The following CD101 variants were observed in gnomAD, a reference collection of about 807,000 sequenced individuals.
CD101 encodes the protein immunoglobulin superfamily member 2.
A neutral mutation model predicts 98.2 loss-of-function variants in CD101; 76 were observed. The ratio of observed to expected loss-of-function variants is 0.77; its 90% CI spans 0.64 to 0.94. The LOEUF is 0.94. Ranked by LOEUF, CD101 falls within the 40% of genes least tolerant of loss-of-function variation. CD101 has a pLI of 0.00. For synonymous variants in CD101, 471 were observed against 472.7 expected (o/e 1.00, Z 0.05); for missense variants, 1,145 against 1,218.8 (o/e 0.94, Z 0.90).
chr1:117,018,493 A>G lies in CD101; in HGVS notation c.1950A>G (p.Leu650=). 1 of 1,613,988 alleles carries G rather than the reference A, an allele frequency of 6.2e-7. No individual in the cohort carries two copies. The highest frequency in any genetic ancestry group is 8.5e-7 in the Non-Finnish European group (1 of 1,179,834). The change falls in exon 6 of 10, where the codon CTA becomes CTG. Residue 650 remains leucine (L), a synonymous_variant. Transcript: ENST00000682167. The surrounding 1 kb of genome is among the most constrained non-coding windows in gnomAD (Gnocchi z 4.3). ...CEVEVYDRNS[L]YNNRPPRASA... ...TAGAAGTTTATGACAGAAATTCCCTATACAACAACCGCCCCCCGAGGGCTT... is the reference window on the plus strand; with the variant it reads ...TAGAAGTTTATGACAGAAATTCCCTGTACAACAACCGCCCCCCGAGGGCTT...
rs1488414807 is a variant in CD101 at position 117,011,693 on chromosome 1, G to A, written c.568G>A (p.Gly190Arg). The A allele has an allele frequency of 6.2e-7, 1 of 1,614,176 alleles. No homozygotes were observed. The highest frequency in any genetic ancestry group is 2.2e-5 in the East Asian group (1 of 44,884). ...TGTCACCTGGTACCTAACACAGGATGGAGGAGGAAGCCAAGCCACTGAGAT... is the reference window on the plus strand; with the variant it reads ...TGTCACCTGGTACCTAACACAGGATAGAGGAGGAAGCCAAGCCACTGAGAT... ...LSVTWYLTQD[G>R]GGSQATEIIS... Residue 190 changes from glycine to arginine, a missense_variant, in exon 3 of 10, where the codon GGA (glycine) becomes AGA (arginine). Gly to Arg is a moderately radical substitution (Grantham distance 125). Transcript: ENST00000682167.
At chr1:117,026,756 A>G (rs574045355) in intron 8 of CD101, 1 of 152,360 alleles carries the variant, frequency 6.6e-6, no homozygotes, top group Non-Finnish European at 1.5e-5. Flanking sequence ...AGATCCTTGT[A>G]AAACAGGTAT....
chr1:117,020,225 T>G (rs752669953), intron 6 of CD101, among the ~76,000 whole-genome samples: 1 of 152,094 alleles, frequency 6.6e-6, no homozygotes, highest in Non-Finnish European at 1.5e-5. Flanking sequence ...TACCTCTGTC[T>G]TACATGAGGG....
Position 117,018,584 on chromosome 1 carries a change from C to T in CD101, c.2017+24C>T. Reference sequence around the variant, plus strand: ...AGGTAAGTGTGACTTGAAATTAATCCCTGTTTTAAAAACAAACAAATAGCA... The same window carrying T: ...AGGTAAGTGTGACTTGAAATTAATCTCTGTTTTAAAAACAAACAAATAGCA... On this transcript the variant is annotated intron_variant, in intron 6 of 9. Coordinates refer to ENST00000682167, the MANE Select transcript of CD101 (RefSeq NM_001256106.3). This position sits in a 1 kb window ranked among gnomAD's most constrained non-coding sequence, Gnocchi z 4.3. 1 of 1,540,370 alleles carries T rather than the reference C, an allele frequency of 6.5e-7. No individual in the cohort carries two copies. The highest frequency in any genetic ancestry group is 8.7e-7 in the Non-Finnish European group (1 of 1,144,426).
intron 9 of CD101, among the ~76,000 whole-genome samples, chr1:117,035,304 G>C (rs764858286): frequency 3.3e-5 from 5 of 152,172 alleles, no homozygotes; most frequent in Admixed American, 6.5e-5. Flanking sequence ...TCCAAGGAGA[G>C]CAATTTAGTT....
intron 1 of CD101, 30 bp from the exon 2 acceptor site, chr1:117,009,820 T>G (rs747046321): frequency 6.4e-7 from 1 of 1,562,868 alleles, no homozygotes; most frequent in African/African-American, 1.4e-5. Context: ...TAATCTCTTT[T>G]TATTCCCCTT....
At position 117,010,602 on chromosome 1, in the gene CD101, A is replaced by T. The variant is rs1179007589; in HGVS notation, c.424+372A>T. ...GACAAGAAAGCTGGTACCATAGGTG[A>T]TAAGTCATTAACTTAGAAATGATAA... On this transcript the variant is annotated intron_variant, in intron 2 of 9. Transcript: ENST00000682167. The surrounding 1 kb of genome is among the most constrained non-coding windows in gnomAD (Gnocchi z 5.2). Among the ~76,000 whole-genome samples, 2 of 152,246 alleles carry T rather than the reference A, an allele frequency of 1.3e-5. No homozygotes were observed. The highest frequency in any genetic ancestry group is 2.9e-5 in the Non-Finnish European group (2 of 68,050).
chr1:117,002,343 C>T (rs1234122192), intron 1 of CD101, among the ~76,000 whole-genome samples: 1 of 152,104 alleles, frequency 6.6e-6, no homozygotes, highest in Non-Finnish European at 1.5e-5. Context: ...ATTTCACCTG[C>T]GAGTGGAAGT....
rs1302538080 is a variant in CD101, at chr1:117,033,769, G to A, written c.2825-91G>A. On this transcript the variant is annotated intron_variant, in intron 8 of 9. Transcript: ENST00000682167. The surrounding 1 kb of genome is among the most constrained non-coding windows in gnomAD (Gnocchi z 4.8). The stretch of plus-strand genomic sequence containing the variant: ...GGCCCCATTATTTTTACATATACTT[G>A]CCTATAACAATAAATCCCAGGAGTG... The A allele has an allele frequency of 1.9e-6, 3 of 1,544,792 alleles. No homozygotes were observed. In the East Asian group the frequency reaches 6.8e-5, roughly 35 times the overall value.
Position 117,019,343 on chromosome 1 carries a change from A to G in CD101, c.2017+783A>G, listed in dbSNP as rs1653433349. Among the ~76,000 whole-genome samples the G allele has an allele frequency of 6.6e-6, 1 of 152,322 alleles. No individual in the cohort carries two copies. Among genetic ancestry groups the G allele is most frequent in the South Asian group, 2.1e-4 (1 of 4,820 alleles). Reference sequence around the variant, plus strand: ...CATGCCGAGTACCTGACACACCAAGATGACGCTCAAACGTGGTCACTGTCA... The same window carrying G: ...CATGCCGAGTACCTGACACACCAAGGTGACGCTCAAACGTGGTCACTGTCA... On this transcript the variant is annotated intron_variant, in intron 6 of 9. Transcript: ENST00000682167. The surrounding 1 kb of genome is among the most constrained non-coding windows in gnomAD (Gnocchi z 4.3).
chr1:117,027,202 C>CATAT (rs1291579018), intron 8 of CD101, among the ~76,000 whole-genome samples: 1 of 152,220 alleles, frequency 6.6e-6, no homozygotes, highest in East Asian at 1.9e-4. Context: ...GCTGCACATA[C>CATAT]ATATACACAC....
Position 117,010,067 on chromosome 1 carries a change from G to A in CD101, c.261G>A (p.Gln87=), listed in dbSNP as rs1557765771. The A allele has an allele frequency of 1.9e-6, 3 of 1,614,216 alleles. No homozygotes were observed. Among genetic ancestry groups the A allele is most frequent in the Admixed American group, 1.7e-5 (1 of 60,030 alleles). The change falls in exon 2 of 10, where the codon CAG becomes CAA. Residue 87 remains glutamine (Q), a synonymous_variant. Transcript: ENST00000682167. The surrounding 1 kb of genome is among the most constrained non-coding windows in gnomAD (Gnocchi z 5.2). ...CCTTCTCTTACGCAGTATATACGCAGCGGGTGCGAAGCGGAGACGTCTACG... is the reference window on the plus strand; with the variant it reads ...CCTTCTCTTACGCAGTATATACGCAACGGGTGCGAAGCGGAGACGTCTACG... The part of the protein sequence containing the change: ...DAAFSYAVYT[Q]RVRSGDVYVE...
At chr1:117,026,111 T>C (rs1653908259) in intron 8 of CD101, 2 of 530,316 alleles carry the variant, frequency 3.8e-6, no homozygotes, top group East Asian at 6.0e-5. Flanking sequence ...GATTTTGGCA[T>C]AGACACTTAA....
intron 7 of CD101, among the ~76,000 whole-genome samples, chr1:117,025,282 G>C (rs1653834430): frequency 6.6e-6 from 1 of 152,178 alleles, no homozygotes; most frequent in Non-Finnish European, 1.5e-5. Flanking sequence ...AGAATTGCTT[G>C]AACCCAGGAG....
intron 8 of CD101, among the ~76,000 whole-genome samples, chr1:117,028,330 A>G (rs1046117985): frequency 1.3e-5 from 2 of 152,166 alleles, no homozygotes; most frequent in Admixed American, 6.5e-5. Flanking sequence ...GAGAGAATTA[A>G]GGATTAACAT....
At chr1:117,015,497 A>G (rs1653146487) in intron 4 of CD101, among the ~76,000 whole-genome samples, 1 of 152,202 alleles carries the variant, frequency 6.6e-6, no homozygotes, top group Non-Finnish European at 1.5e-5. Context: ...TCTTTTTAAA[A>G]ACATATTTAT....
chr1:117,024,840 C>T (rs1246187740), intron 7 of CD101, among the ~76,000 whole-genome samples: 1 of 152,064 alleles, frequency 6.6e-6, no homozygotes, highest in Non-Finnish European at 1.5e-5. Flanking sequence ...GAATACATGG[C>T]TTGAGGGAGC....
intron 8 of CD101, among the ~76,000 whole-genome samples, chr1:117,027,268 T>C (rs1654000470): frequency 6.6e-6 from 1 of 152,200 alleles, no homozygotes; most frequent in Non-Finnish European, 1.5e-5. Context: ...GACACTTGTT[T>C]AATAAATAAC....
At chr1:117,026,678 T>G (rs1653954547) in intron 8 of CD101, 1 of 152,216 alleles carries the variant, frequency 6.6e-6, no homozygotes, top group African/African-American at 2.4e-5. Flanking sequence ...ATACAGTCTG[T>G]GATGAAAAGC....
Sources: gnomAD v4.1 joint callset for allele counts (sites outside exome capture counted in the v4.1 genomes callset) on GRCh38, gnomAD v4.1.1 for gene constraint, Gnocchi (gnomAD v3.1) non-coding constraint, MANE v1.5 for transcripts, NCBI Gene and HGNC (gene_info 2026-07-23, HGNC 2026-07-21) for gene names.